Variants in RBMS3 observed in about 807,000 individuals in gnomAD.
RBMS3 encodes the protein RNA-binding motif, single-stranded-interacting protein 3.
Under a neutral mutation model 66.8 loss-of-function variants are expected in RBMS3, and 27 were observed. The ratio of observed to expected loss-of-function variants is 0.40; its 90% confidence interval spans 0.30 to 0.56. RBMS3 has a LOEUF of 0.56. RBMS3 is among the 20% of genes least tolerant of loss of function. The probability of loss-of-function intolerance (pLI) is 0.40; values close to 1 mark genes in which losing one functional copy is unlikely to be tolerated. For synonymous variants in RBMS3, 188 were observed against 183.0 expected (o/e 1.03, Z -0.22); for missense variants, 513 against 549.5 (o/e 0.93, Z 0.66).
rs777042281 is a variant in RBMS3 at position 29,384,619 on chromosome 3, C to G, written c.76-50124C>G. 3.9e-5 allele frequency among the ~76,000 whole-genome samples: 6 copies of G among 152,106 alleles called. No homozygotes were observed. The South Asian group carries it at 1.0e-3, about 26-fold the overall frequency. ...AAAACAGGGAGAGAAGTTTTGCTAC[C>G]GATAATGATAATTTGATGCCTTAAC... is the stretch of plus-strand genomic sequence containing the variant. On this transcript the variant is annotated intron_variant, in intron 1 of 14. Transcript: ENST00000383767.
chr3:29,325,606 A>ATGTATATATATACGTGTGTG (rs2035283548), intron 1 of RBMS3, among the ~76,000 whole-genome samples: 1 of 110,672 alleles, frequency 9.0e-6, no homozygotes, highest in Non-Finnish European at 2.1e-5. Flanking sequence ...ACGTGTGTGT[A>ATGTATATATATACGTGTGTG]TATATATGTG....
chr3:29,388,764 C>T (rs62235724), intron 1 of RBMS3, among the ~76,000 whole-genome samples: 5,957 of 152,268 alleles, frequency 0.039, 159 homozygotes, highest in Non-Finnish European at 0.059. Context: ...CAGGGTTTCA[C>T]CATGTTAGCC....
chr3:29,771,724 G>A (rs923065295), intron 6 of RBMS3, among the ~76,000 whole-genome samples: 1 of 151,982 alleles, frequency 6.6e-6, no homozygotes, highest in African/African-American at 2.4e-5. Context: ...TGTATAGGAA[G>A]TGTGGCTGGA....
intron 4 of RBMS3, among the ~76,000 whole-genome samples, chr3:29,724,929 C>T (rs895208716): frequency 6.6e-6 from 1 of 152,148 alleles, no homozygotes; most frequent in Non-Finnish European, 1.5e-5. Flanking sequence ...TGTCCTATTA[C>T]ATCTTTGTCC....
intron 6 of RBMS3, among the ~76,000 whole-genome samples, chr3:29,849,083 A>T (rs1024859252): frequency 2.0e-5 from 3 of 151,858 alleles, no homozygotes; most frequent in Admixed American, 1.3e-4. Flanking sequence ...TCAGATATAC[A>T]CTCAGGTCTA....
At chr3:29,343,387 C>A (rs1039505765) in intron 1 of RBMS3, among the ~76,000 whole-genome samples, 1 of 151,682 alleles carries the variant, frequency 6.6e-6, no homozygotes, top group Non-Finnish European at 1.5e-5. Context: ...CAAAGAAGAA[C>A]AATGCAATTT....
chr3:29,857,480 T>C (rs35724917), intron 6 of RBMS3, among the ~76,000 whole-genome samples: 1 of 151,686 alleles, frequency 6.6e-6, no homozygotes, highest in Non-Finnish European at 1.5e-5. Flanking sequence ...TTCTTTCTTG[T>C]TATTACTTTT....
chr3:29,830,892 G>A (rs139031131), intron 6 of RBMS3, among the ~76,000 whole-genome samples: 74 of 152,254 alleles, frequency 4.9e-4, no homozygotes, highest in African/African-American at 1.5e-3. Context: ...CTCAATGAGT[G>A]TGGACAAGTA....
intron 4 of RBMS3, among the ~76,000 whole-genome samples, chr3:29,639,393 T>G (rs1203825518): frequency 6.6e-6 from 1 of 151,862 alleles, no homozygotes; most frequent in Non-Finnish European, 1.5e-5. Flanking sequence ...AATTGTATTT[T>G]TTTTATAAAC....
intron 2 of RBMS3, among the ~76,000 whole-genome samples, chr3:29,483,633 G>A (rs1169109163): frequency 6.6e-6 from 1 of 152,210 alleles, no homozygotes; most frequent in Non-Finnish European, 1.5e-5. Flanking sequence ...GCTGTTTGTA[G>A]CCCTAGGTTC....
chr3:29,616,904 A>C (rs2048693588), intron 4 of RBMS3: 1 of 152,228 alleles, frequency 6.6e-6, no homozygotes, highest in East Asian at 1.9e-4. Context: ...TCAAAATCCA[A>C]GCTGGTTGGG....
intron 1 of RBMS3, among the ~76,000 whole-genome samples, chr3:29,298,674 A>C (rs1369680893): frequency 3.3e-5 from 5 of 151,788 alleles, no homozygotes; most frequent in Non-Finnish European, 7.4e-5. Flanking sequence ...GTTTATCTCA[A>C]TACATCTACC....
At chr3:29,312,983 G>A (rs2125471043) in intron 1 of RBMS3, among the ~76,000 whole-genome samples, 1 of 151,810 alleles carries the variant, frequency 6.6e-6, no homozygotes, top group Middle Eastern at 3.4e-3. Context: ...CAGAGGCATG[G>A]AGAAGGATGA....
intron 5 of RBMS3, among the ~76,000 whole-genome samples, chr3:29,755,801 G>A (rs2055385642): frequency 6.6e-6 from 1 of 152,128 alleles, no homozygotes; most frequent in Admixed American, 6.6e-5. Context: ...TCCATAGGCA[G>A]AACCCAATGG....
At chr3:29,603,933 T>C (rs1345364782) in intron 4 of RBMS3, among the ~76,000 whole-genome samples, 1 of 151,974 alleles carries the variant, frequency 6.6e-6, no homozygotes, top group African/African-American at 2.4e-5. Flanking sequence ...TTTAGAGCCC[T>C]GGTTCTCAAC....
intron 4 of RBMS3, among the ~76,000 whole-genome samples, chr3:29,698,902 C>CTAT (rs930276265): frequency 2.2e-4 from 33 of 152,114 alleles, no homozygotes; most frequent in Admixed American, 2.1e-3. Flanking sequence ...TGGTAGCATA[C>CTAT]TATTCACTTT....
chr3:29,591,011 C>T (rs1181501670), intron 4 of RBMS3, among the ~76,000 whole-genome samples: 1 of 152,262 alleles, frequency 6.6e-6, no homozygotes, highest in Middle Eastern at 3.4e-3. Context: ...TTTCCAGAAT[C>T]TCAAATCAGC....
intron 4 of RBMS3, among the ~76,000 whole-genome samples, chr3:29,683,659 G>A (rs1394107637): frequency 6.6e-6 from 1 of 152,134 alleles, no homozygotes; most frequent in Non-Finnish European, 1.5e-5. Flanking sequence ...GGATTGCTAA[G>A]GAATGTTGCT....
intron 12 of RBMS3, among the ~76,000 whole-genome samples, chr3:29,981,072 G>GT (rs1298698513): frequency 5.3e-5 from 8 of 152,198 alleles, no homozygotes; most frequent in Non-Finnish European, 1.0e-4. Flanking sequence ...AGCATGGAAT[G>GT]TTTTTTTCCA....
Sources: allele counts gnomAD v4.1 joint callset (sites outside exome capture counted in the v4.1 genomes callset), GRCh38; gene constraint gnomAD v4.1.1; transcripts MANE v1.5; gene names NCBI Gene and HGNC (gene_info 2026-07-23, HGNC 2026-07-21).